The following ZNF562 variants were observed in gnomAD, a reference collection of about 807,000 sequenced individuals.
ZNF562 encodes zinc finger protein 562.
Under a neutral mutation model 17.5 loss-of-function variants are expected in ZNF562, and 13 were observed. The observed-to-expected ratio is 0.74, with a 90% CI of 0.48 to 1.18. ZNF562 has a LOEUF of 1.18. Among genes scored for constraint, ZNF562 ranks in the 50% most tolerant of loss-of-function variants. The pLI is 0.00. For missense variants in ZNF562, 481 were observed against 498.5 expected (o/e 0.96, Z 0.33); for synonymous variants, 163 against 165.4 (o/e 0.99, Z 0.11).
intron 1 of ZNF562, among the ~76,000 whole-genome samples, chr19:9,671,593 G>A (rs978351011): frequency 1.4e-4 from 22 of 152,224 alleles, no homozygotes; most frequent in Admixed American, 3.3e-4. Flanking sequence ...ACAGTTACCT[G>A]TAAGGATTCT....
Position 9,650,550 on chromosome 19 carries a change from A to T in ZNF562, c.*2399T>A, listed in dbSNP as rs2074853379. On this transcript the variant is annotated 3_prime_UTR_variant, in exon 6 of 6. Transcript: ENST00000453372. Reference sequence around the variant, plus strand: ...TTGTTGGTCTCCATCGTGTGAAAACATGAGGAAGTGGGCACTTACATGCCA... The same window carrying T: ...TTGTTGGTCTCCATCGTGTGAAAACTTGAGGAAGTGGGCACTTACATGCCA... 1.3e-5 allele frequency: 2 copies of T among 152,092 alleles called. No homozygotes were observed. Among genetic ancestry groups the T allele is most frequent in the Admixed American group, 6.6e-5 (1 of 15,242 alleles). 9.4% of individuals were successfully genotyped at this position (152,092 alleles called of 1,614,324 possible).
In ZNF562 at chr19:9,660,763, A is replaced by C; in HGVS notation, c.-19T>G. ...CTGACATCCTCTGAAGCTGATGGTGAGATGTGCCTCAATGCTGTCTTTCTT... is the reference window on the plus strand; with the variant it reads ...CTGACATCCTCTGAAGCTGATGGTGCGATGTGCCTCAATGCTGTCTTTCTT... On this transcript the variant is annotated 5_prime_UTR_variant, in exon 2 of 6. Coordinates refer to ENST00000453372, the MANE Select transcript of ZNF562 (RefSeq NM_001130031.2). 6.2e-7 allele frequency: 1 copy of C among 1,613,364 alleles called. No individual in the cohort carries two copies.
chr19:9,664,818 C>T (rs1002419861), intron 1 of ZNF562, among the ~76,000 whole-genome samples: 2 of 151,414 alleles, frequency 1.3e-5, no homozygotes, highest in East Asian at 1.9e-4. Flanking sequence ...GAGGTACAGC[C>T]TGGGCGACAG....
intron 1 of ZNF562, among the ~76,000 whole-genome samples, chr19:9,669,008 C>T (rs993881797): frequency 6.6e-6 from 1 of 151,242 alleles, no homozygotes. Context: ...AACTATAAAA[C>T]TAGTAGAGGA....
At chr19:9,655,996 G>A (rs2144974682) in intron 5 of ZNF562, among the ~76,000 whole-genome samples, 1 of 152,096 alleles carries the variant, frequency 6.6e-6, no homozygotes, top group South Asian at 2.1e-4. Flanking sequence ...GCCTCCTAAA[G>A]TGTTGGGATT....
At chr19:9,669,731 C>A (rs1273791503) in intron 1 of ZNF562, among the ~76,000 whole-genome samples, 13 of 81,364 alleles carry the variant, frequency 1.6e-4, no homozygotes, top group African/African-American at 4.7e-4. Flanking sequence ...CGCGCGCGCG[C>A]GCGCACACAC....
chr19:9,660,395 G>A (rs2043691258), intron 2 of ZNF562, among the ~76,000 whole-genome samples: 1 of 152,154 alleles, frequency 6.6e-6, no homozygotes. Context: ...GGGAGGCCGA[G>A]GCAGGCAAAT....
At position 9,653,239 on chromosome 19, in the gene ZNF562, G is replaced by A. The variant is rs1367028297; in HGVS notation, c.991C>T (p.Leu331Phe). The stretch of plus-strand genomic sequence containing the variant: ...GTGTGAGTTCTTACATGTTGAGTAA[G>A]GTGAGTTGATCTAGTGAAGGCTTTC... ...CGKAFTRSTH[L>F]TQHVRTHTGI... is the part of the protein sequence containing the mutation. The change falls in exon 6 of 6, where the codon CTT becomes TTT. Residue 331 changes from leucine (L) to phenylalanine (F), a missense_variant. Around this residue, in one of 2 missense-constraint regions of ZNF562, gnomAD observed 403 missense variants for 386.4 expected, o/e 1.04. Transcript: ENST00000453372. 1.9e-6 allele frequency: 3 copies of A among 1,614,080 alleles called. No homozygotes were observed. Among genetic ancestry groups the A allele is most frequent in the Non-Finnish European group, 2.5e-6 (3 of 1,180,046 alleles).
At chr19:9,656,386 G>A (rs942785751) in intron 5 of ZNF562, among the ~76,000 whole-genome samples, 161 bp downstream of exon 5, 1 of 152,094 alleles carries the variant, frequency 6.6e-6, no homozygotes, top group East Asian at 1.9e-4. Flanking sequence ...GTGGGTGCCT[G>A]TAGTCCTAGC....
At chr19:9,669,744 A>G (rs1315734662) in intron 1 of ZNF562, among the ~76,000 whole-genome samples, 93 of 145,388 alleles carry the variant, frequency 6.4e-4, no homozygotes, top group Non-Finnish European at 1.1e-3. Context: ...GCACACACAC[A>G]CACACACACA....
Position 9,641,890 on chromosome 19 carries a change from A to G in ZNF562, c.*11059T>C, listed in dbSNP as rs1304926038. The stretch of plus-strand genomic sequence containing the variant: ...GTCAGCAAAGGGTGGTGGGATTATC[A>G]TTAGTTCTCATAGGTTTGGGATAAG... On this transcript the variant is annotated 3_prime_UTR_variant, in exon 6 of 6. Transcript: ENST00000453372. The G allele has an allele frequency of 6.6e-6, 1 of 152,204 alleles. No individual in the cohort carries two copies. Among genetic ancestry groups the G allele is most frequent in the Non-Finnish European group, 1.5e-5 (1 of 68,044 alleles). 9.4% of individuals were successfully genotyped at this position (152,204 alleles called of 1,614,324 possible). A position where few individuals can be genotyped will look rare whatever the true frequency, so the allele number is the denominator to read the frequency against.
In ZNF562 at chr19:9,651,602, A is replaced by C. The variant is rs1310456976; in HGVS notation, c.*1347T>G. 6.6e-6 allele frequency: 1 copy of C among 152,268 alleles called. No homozygotes were observed. The highest frequency in any genetic ancestry group is 1.9e-4 in the East Asian group (1 of 5,200). 9.4% of individuals were successfully genotyped at this position (152,268 alleles called of 1,614,324 possible). The stretch of plus-strand genomic sequence containing the variant: ...AGGGCAAGCAACACCTGGCCCACCC[A>C]GGGCAGAAAACTGGAAAACTGCTCA... On this transcript the variant is annotated 3_prime_UTR_variant, in exon 6 of 6. Coordinates refer to ENST00000453372, the MANE Select transcript of ZNF562 (RefSeq NM_001130031.2).
rs1485142461 is a variant in ZNF562, at chr19:9,650,137, C to A, written c.*2812G>T. ...AAATAGAGTGCATATCTCACCAGAA[C>A]TGCAAAGACAAGTATGCTGGTATTA... On this transcript the variant is annotated 3_prime_UTR_variant, in exon 6 of 6. Transcript: ENST00000453372. 2.0e-5 allele frequency: 3 copies of A among 152,222 alleles called. No homozygotes were observed. Among genetic ancestry groups the A allele is most frequent in the South Asian group, 2.1e-4 (1 of 4,828 alleles). The allele number at this position is 152,222 out of a possible 1,614,324, so 9.4% of individuals were successfully genotyped here.
intron 1 of ZNF562, among the ~76,000 whole-genome samples, chr19:9,672,693 T>C (rs536638568): frequency 3.1e-4 from 47 of 152,048 alleles, no homozygotes; most frequent in Non-Finnish European, 5.3e-4. Flanking sequence ...TCCTGGTTCC[T>C]GGAGGCCTCT....
rs2074808836 is a variant in ZNF562, at chr19:9,646,691, T to C, written c.*6258A>G. ...GCAAAAATGAAAAATATAAAAAGTATAAATTTTTGCTACACATTTGGAAAT... is the reference window on the plus strand; with the variant it reads ...GCAAAAATGAAAAATATAAAAAGTACAAATTTTTGCTACACATTTGGAAAT... On this transcript the variant is annotated 3_prime_UTR_variant, in exon 6 of 6. Transcript: ENST00000453372. 6.6e-6 allele frequency: 1 copy of C among 151,102 alleles called. No individual in the cohort carries two copies. Among genetic ancestry groups the C allele is most frequent in the South Asian group, 2.1e-4 (1 of 4,806 alleles). 9.4% of individuals were successfully genotyped at this position (151,102 alleles called of 1,614,324 possible).
Position 9,651,870 on chromosome 19 carries a change from T to C in ZNF562, c.*1079A>G, listed in dbSNP as rs533597080. 8.5e-5 allele frequency: 13 copies of C among 152,380 alleles called. No individual in the cohort carries two copies. The highest frequency in any genetic ancestry group is 3.1e-4 in the African/African-American group (13 of 41,586). The allele number at this position is 152,380 out of a possible 1,614,324, so 9.4% of individuals were successfully genotyped here. The stretch of plus-strand genomic sequence containing the variant: ...ATTCCCACTCTGCACTATATTTCTG[T>C]GTCTTTGTCTTAATTCCTCTAGAGC... On this transcript the variant is annotated 3_prime_UTR_variant, in exon 6 of 6. Transcript: ENST00000453372.
chr19:9,660,736 G>A lies in ZNF562; in HGVS notation c.9C>T (p.Ala3=). Residue 3 remains alanine (A), a synonymous_variant, in exon 2 of 6, where the codon GCC becomes GCT. Transcript: ENST00000453372. ...AGGACTTACCATGGGACATATCAAA[G>A]GCTGACATCCTCTGAAGCTGATGGT... The part of the protein sequence containing the change: MS[A]FDMSHGFFPR... 6.2e-7 allele frequency: 1 copy of A among 1,613,660 alleles called. No homozygotes were observed. Among genetic ancestry groups the A allele is most frequent in the Non-Finnish European group, 8.5e-7 (1 of 1,179,762 alleles).
rs144346294 is a variant in ZNF562, at chr19:9,647,951, G to T, written c.*4998C>A. ...AATAGAGATGTGGTTTCGCTATGTTGCCCAGGCTGGTTTGAACTCCTTGGC... is the reference window on the plus strand; with the variant it reads ...AATAGAGATGTGGTTTCGCTATGTTTCCCAGGCTGGTTTGAACTCCTTGGC... On this transcript the variant is annotated 3_prime_UTR_variant, in exon 6 of 6. Transcript: ENST00000453372. 1.3e-5 allele frequency: 2 copies of T among 152,256 alleles called. No individual in the cohort carries two copies. The highest frequency in any genetic ancestry group is 4.8e-5 in the African/African-American group (2 of 41,542). The allele number at this position is 152,256 out of a possible 1,614,324, so 9.4% of individuals were successfully genotyped here.
In ZNF562 at chr19:9,644,217, T is replaced by C. The variant is rs572863219; in HGVS notation, c.*8732A>G. On this transcript the variant is annotated 3_prime_UTR_variant, in exon 6 of 6. Coordinates refer to ENST00000453372, the MANE Select transcript of ZNF562 (RefSeq NM_001130031.2). The stretch of plus-strand genomic sequence containing the variant: ...CATCTTGTACTGCATCATAAAAAGA[T>C]TTAGCAAGATTTGCTTCATTGTTAA... 7 of 152,240 alleles carry C rather than the reference T, an allele frequency of 4.6e-5. No individual in the cohort carries two copies. Among genetic ancestry groups the C allele is most frequent in the Admixed American group, 2.0e-4 (3 of 15,288 alleles). The allele number at this position is 152,240 out of a possible 1,614,324, so 9.4% of individuals were successfully genotyped here.
Sources: gnomAD v4.1 joint callset for allele counts (sites outside exome capture counted in the v4.1 genomes callset) on GRCh38, gnomAD v4.1.1 for gene constraint, gnomAD v4.1.1 regional missense constraint, MANE v1.5 for transcripts, NCBI Gene and HGNC (gene_info 2026-07-23, HGNC 2026-07-21) for gene names.